Variants in EHBP1 observed in about 807,000 individuals in gnomAD.
EHBP1 encodes the protein EH domain-binding protein 1.
In EHBP1, 55 loss-of-function variants were observed where a neutral mutation model predicts 144.0. That is an observed-to-expected ratio of 0.38 (90% confidence interval 0.31 to 0.48). The LOEUF (loss-of-function observed/expected upper bound fraction) is 0.48. Ranked by LOEUF, EHBP1 falls within the 20% of genes least tolerant of loss-of-function variation. The pLI, the probability that EHBP1 is intolerant of heterozygous loss-of-function variation, is 0.98. For synonymous variants in EHBP1, 469 were observed against 472.7 expected, an observed-to-expected ratio of 0.99 and a Z score of 0.10; for missense variants, 1,200 against 1,364.2, an observed-to-expected ratio of 0.88 and a Z score of 1.90.
Position 62,942,856 on chromosome 2 carries a change from T to A in EHBP1, c.1324T>A (p.Ser442Thr). The A allele has an allele frequency of 6.2e-7, 1 of 1,613,812 alleles. No individual in the cohort carries two copies. The highest frequency in any genetic ancestry group is 1.1e-5 in the South Asian group (1 of 91,042). The change falls in exon 11 of 23, where the codon TCT becomes ACT. Residue 442 changes from serine to threonine, a missense_variant. Physicochemically the swap from Ser to Thr is moderately conservative, Grantham distance 58 (BLOSUM62 1). Around this residue, in one of 6 missense-constraint regions of EHBP1, gnomAD observed 94 missense variants for 143.0 expected, o/e 0.66. Coordinates refer to ENST00000431489, the MANE Select transcript of EHBP1 (RefSeq NM_001142616.3). ...TACTACATCGTGGAGAAATGGTTTA[T>A]CTTTTTGTGCAATATTACACCACTT... Reference protein sequence around the residue: ...NFTTSWRNGLSFCAILHHFRP... With the variant: ...NFTTSWRNGLTFCAILHHFRP...
intron 1 of EHBP1, among the ~76,000 whole-genome samples, chr2:62,674,828 G>A (rs911249876): frequency 1.3e-5 from 2 of 152,110 alleles, no homozygotes; most frequent in Non-Finnish European, 2.9e-5. Flanking sequence ...ACAGGGTCTC[G>A]CTATGTTTTC....
chr2:62,785,348 A>G (rs1321154577), intron 5 of EHBP1, among the ~76,000 whole-genome samples: 1 of 152,224 alleles, frequency 6.6e-6, no homozygotes, highest in African/African-American at 2.4e-5. Context: ...CAGTTATCCA[A>G]GTAACAGATG....
In EHBP1 at chr2:62,949,236, T is replaced by C. The variant is rs2057249677; in HGVS notation, c.2316+74T>C. The C allele has an allele frequency of 7.1e-6, 9 of 1,274,184 alleles. No homozygotes were observed. The South Asian group carries it at 1.3e-4, about 18-fold the overall frequency. 78.9% of individuals were successfully genotyped at this position (1,274,184 alleles called of 1,614,324 possible). On this transcript the variant is annotated intron_variant, in intron 13 of 22. Coordinates refer to ENST00000431489, the MANE Select transcript of EHBP1 (RefSeq NM_001142616.3). The stretch of plus-strand genomic sequence containing the variant: ...CTGTTTTTGTTTCTTTTTGCATTCA[T>C]AGATGCTACAAATGATTAAAGGTGA...
At chr2:62,808,114 A>G (rs1280837028) in intron 5 of EHBP1, among the ~76,000 whole-genome samples, 1 of 150,448 alleles carries the variant, frequency 6.6e-6, no homozygotes, top group Non-Finnish European at 1.5e-5. Context: ...TTTGGCCTTT[A>G]TCCTGCTTGG....
intron 7 of EHBP1, among the ~76,000 whole-genome samples, chr2:62,853,137 A>G (rs1418439979): frequency 1.3e-5 from 2 of 152,140 alleles, no homozygotes; most frequent in South Asian, 2.1e-4. Context: ...ACAGCCTAGT[A>G]TTTTCATACC....
chr2:63,027,715 A>G (rs576363144), intron 19 of EHBP1, among the ~76,000 whole-genome samples: 1 of 152,218 alleles, frequency 6.6e-6, no homozygotes, highest in South Asian at 2.1e-4. Flanking sequence ...CTGGCACAGA[A>G]AGACAAGTAT....
intron 5 of EHBP1, among the ~76,000 whole-genome samples, chr2:62,808,652 A>AT (rs1256995860): frequency 1.3e-4 from 19 of 151,046 alleles, no homozygotes; most frequent in South Asian, 6.3e-4. Context: ...AAACTGTGGG[A>AT]TTTTTTTTTC....
chr2:62,899,701 A>G (rs1262694372), intron 10 of EHBP1, among the ~76,000 whole-genome samples: 3 of 152,220 alleles, frequency 2.0e-5, no homozygotes. Context: ...TAACTGCTAA[A>G]TCATGAAAAT....
intron 2 of EHBP1, chr2:62,726,748 G>GT (rs2036834084): frequency 6.6e-6 from 1 of 151,940 alleles, no homozygotes; most frequent in Non-Finnish European, 1.5e-5. Context: ...GCCTGGTTTT[G>GT]TTTTTTATTT....
At chr2:63,002,078 C>A (rs1043240294) in intron 19 of EHBP1, among the ~76,000 whole-genome samples, 2 of 152,054 alleles carry the variant, frequency 1.3e-5, no homozygotes, top group Non-Finnish European at 2.9e-5. Context: ...GTAAAACATC[C>A]CCATTTGGGA....
In EHBP1 at chr2:62,866,977, C is replaced by T. The variant is rs144239633; in HGVS notation, c.998+2006C>T. The stretch of plus-strand genomic sequence containing the variant: ...ACAATGAGGTGATATTCTTAAAGGA[C>T]TGAAGGAAAAGTATAACAACAAAAA... On this transcript the variant is annotated intron_variant, in intron 9 of 22. Coordinates refer to ENST00000431489, the MANE Select transcript of EHBP1 (RefSeq NM_001142616.3). 8.0e-3 allele frequency among the ~76,000 whole-genome samples: 1,213 copies of T among 152,078 alleles called. 8 individuals carry two copies. The highest frequency in any genetic ancestry group is 0.013 in the Non-Finnish European group (878 of 67,962).
intron 7 of EHBP1, among the ~76,000 whole-genome samples, chr2:62,856,107 C>G (rs2049034692): frequency 6.6e-6 from 1 of 152,220 alleles, no homozygotes. Flanking sequence ...TCACCCTCCA[C>G]TTGCCTGTGT....
chr2:62,774,893 C>T (rs1013430351), intron 5 of EHBP1, among the ~76,000 whole-genome samples: 1 of 151,910 alleles, frequency 6.6e-6, no homozygotes, highest in Admixed American at 6.6e-5. Context: ...CAAATCTCAT[C>T]GCTGTGTAGT....
At chr2:62,886,781 C>G (rs1220264653) in intron 10 of EHBP1, among the ~76,000 whole-genome samples, 3 of 152,178 alleles carry the variant, frequency 2.0e-5, no homozygotes, top group Non-Finnish European at 4.4e-5. Flanking sequence ...CTGTACAAAG[C>G]TACCCTTCCT....
At chr2:62,765,152 A>G (rs181725166) in intron 4 of EHBP1, among the ~76,000 whole-genome samples, 6 of 152,222 alleles carry the variant, frequency 3.9e-5, no homozygotes, top group African/African-American at 1.4e-4. Flanking sequence ...TCTCATTACA[A>G]ATGTTTTTGT....
chr2:63,018,582 C>T (rs866672674), intron 19 of EHBP1, among the ~76,000 whole-genome samples: 1 of 152,336 alleles, frequency 6.6e-6, no homozygotes, highest in South Asian at 2.1e-4. Context: ...TTGGCACTCA[C>T]TGGATGCCCC....
intron 14 of EHBP1, among the ~76,000 whole-genome samples, chr2:62,978,567 C>T (rs2058820186): frequency 6.6e-6 from 1 of 152,108 alleles, no homozygotes; most frequent in South Asian, 2.1e-4. Flanking sequence ...CCAGAAACCA[C>T]ATTAGATTTT....
chr2:62,881,282 C>CT (rs1206828083), intron 10 of EHBP1, among the ~76,000 whole-genome samples: 1 of 151,944 alleles, frequency 6.6e-6, no homozygotes, highest in Non-Finnish European at 1.5e-5. Flanking sequence ...AAAAAATCTA[C>CT]TTACTGGATA....
At chr2:62,694,017 G>A (rs1035043033) in intron 1 of EHBP1, among the ~76,000 whole-genome samples, 14 of 152,160 alleles carry the variant, frequency 9.2e-5, no homozygotes, top group Admixed American at 9.2e-4. Flanking sequence ...AAGCTATGAA[G>A]ATTTATTTGT....
Sources: gnomAD v4.1 joint callset for allele counts (sites outside exome capture counted in the v4.1 genomes callset) on GRCh38, gnomAD v4.1.1 for gene constraint, gnomAD v4.1.1 regional missense constraint, MANE v1.5 for transcripts, NCBI Gene and HGNC (gene_info 2026-07-23, HGNC 2026-07-21) for gene names.